GABBR2: variants seen among roughly 807,000 people sequenced by gnomAD.
GABBR2 encodes G-protein coupled receptor 51.
In GABBR2, 23 loss-of-function variants were observed where a neutral mutation model predicts 105.6. The observed-to-expected ratio is 0.22, with a 90% confidence interval of 0.16 to 0.31. The LOEUF (loss-of-function observed/expected upper bound fraction) is 0.31, where lower values mean the gene tolerates loss of function less well. Ranked by LOEUF, GABBR2 falls within the 10% of genes least tolerant of loss-of-function variation. The pLI, the probability that GABBR2 is intolerant of heterozygous loss-of-function variation, is 1.00. For synonymous variants in GABBR2, 478 were observed against 499.7 expected (o/e 0.96, Z 0.58); for missense variants, 734 against 1,245.5 (o/e 0.59, Z 6.18).
Position 98,578,130 on chromosome 9 carries a change from C to A in GABBR2, c.322-58G>T. On this transcript the variant is annotated intron_variant, in intron 1 of 18. Transcript: ENST00000259455. ...ATTAGAAACAGCTTTTCCCCAGGGGCATGAGCCCAACAAACAAATCTTTCC... is the reference window on the plus strand; with the variant it reads ...ATTAGAAACAGCTTTTCCCCAGGGGAATGAGCCCAACAAACAAATCTTTCC... 12 of 1,587,748 alleles carry A rather than the reference C, an allele frequency of 7.6e-6. No individual in the cohort carries two copies. The South Asian group carries it at 1.3e-4, about 18-fold the overall frequency.
intron 13 of GABBR2, among the ~76,000 whole-genome samples, chr9:98,335,122 A>T (rs959574683): frequency 7.9e-5 from 12 of 152,168 alleles, no homozygotes; most frequent in African/African-American, 2.9e-4. Flanking sequence ...AACCTCATAG[A>T]AACCTCCCTT....
intron 1 of GABBR2, among the ~76,000 whole-genome samples, chr9:98,670,378 G>A (rs954838678): frequency 4.6e-5 from 7 of 152,200 alleles, no homozygotes; most frequent in African/African-American, 1.7e-4. Flanking sequence ...TGGAACCCTT[G>A]GGCACTGTTG....
chr9:98,476,799 A>G (rs948028660), intron 5 of GABBR2, among the ~76,000 whole-genome samples: 5 of 152,084 alleles, frequency 3.3e-5, no homozygotes, highest in African/African-American at 1.2e-4. Context: ...ATTTTTCACT[A>G]TCATCAAGTT....
At chr9:98,371,390 A>C (rs1215169833) in intron 12 of GABBR2, 74 bp downstream of exon 12, 5 of 813,396 alleles carry the variant, frequency 6.1e-6, no homozygotes, top group Admixed American at 2.0e-5. Flanking sequence ...CAGTGCCTGG[A>C]ATATAGTATA....
chr9:98,527,073 CAT>C (rs1409805822), intron 3 of GABBR2, among the ~76,000 whole-genome samples: 3 of 147,660 alleles, frequency 2.0e-5, no homozygotes, highest in African/African-American at 4.9e-5. Context: ...ATATATTATT[CAT>C]ATGTTAATAA....
At position 98,586,284 on chromosome 9, in the gene GABBR2, CTTTT is replaced by C. The variant is rs569530376; in HGVS notation, c.322-8216_322-8213del. ...ATCCTTCTTTTCTTCTCTTTTCTTT[CTTTT>C]TTTTTTTTTTTTTTGTTTGTTTGTT... is the stretch of plus-strand genomic sequence containing the variant. On this transcript the variant is annotated intron_variant, in intron 1 of 18. Transcript: ENST00000259455. Among the ~76,000 whole-genome samples the C allele has an allele frequency of 2.3e-3, 303 of 131,084 alleles. 1 individual carries two copies. The highest frequency in any genetic ancestry group is 4.1e-3 in the Non-Finnish European group (254 of 62,128). 86.0% of individuals were successfully genotyped at this position (131,084 alleles called of 152,430 possible). A position where few individuals can be genotyped will look rare whatever the true frequency, so the allele number is the denominator to read the frequency against.
chr9:98,551,036 C>G (rs1828477900), intron 2 of GABBR2, among the ~76,000 whole-genome samples: 1 of 152,136 alleles, frequency 6.6e-6, no homozygotes, highest in Non-Finnish European at 1.5e-5. Context: ...ACCCAACCAC[C>G]CAATCGGCCA....
intron 1 of GABBR2, among the ~76,000 whole-genome samples, chr9:98,651,936 A>T (rs930124930): frequency 6.6e-6 from 1 of 152,206 alleles, no homozygotes; most frequent in African/African-American, 2.4e-5. Context: ...TCTTTCAGAC[A>T]TACAAACAAA....
At chr9:98,400,576 GAC>G (rs1192064689) in intron 8 of GABBR2, among the ~76,000 whole-genome samples, 3 of 152,174 alleles carry the variant, frequency 2.0e-5, no homozygotes, top group Admixed American at 6.5e-5. Flanking sequence ...CATATATAAG[GAC>G]ATGTATTATT....
intron 7 of GABBR2, among the ~76,000 whole-genome samples, chr9:98,441,752 G>A (rs1280172369): frequency 1.3e-5 from 2 of 152,146 alleles, no homozygotes; most frequent in African/African-American, 4.8e-5. Context: ...GTATAACATG[G>A]TCAATGTGCT....
At chr9:98,563,043 C>T (rs1171023059) in intron 2 of GABBR2, among the ~76,000 whole-genome samples, 1 of 119,676 alleles carries the variant, frequency 8.4e-6, no homozygotes, top group Non-Finnish European at 1.6e-5. Context: ...GTACTCCAGC[C>T]TGGGTGACAG....
chr9:98,507,871 G>T (rs1827544513), intron 3 of GABBR2, among the ~76,000 whole-genome samples: 1 of 152,172 alleles, frequency 6.6e-6, no homozygotes, highest in Admixed American at 6.5e-5. Context: ...CCAGGTCCAA[G>T]CACCTTTCTT....
At chr9:98,320,962 AAAACTT>A (rs1356764294) in intron 13 of GABBR2, among the ~76,000 whole-genome samples, 3 of 152,070 alleles carry the variant, frequency 2.0e-5, no homozygotes, top group Admixed American at 2.0e-4. Flanking sequence ...CATGTACCCT[AAAACTT>A]AAAGTATAAT....
intron 12 of GABBR2, among the ~76,000 whole-genome samples, chr9:98,367,351 A>G (rs954628614): frequency 4.6e-5 from 7 of 151,852 alleles, no homozygotes; most frequent in Admixed American, 2.0e-4. Flanking sequence ...AACTTCTTTA[A>G]AAGAAACAAA....
intron 1 of GABBR2, among the ~76,000 whole-genome samples, chr9:98,657,219 G>A (rs1830195569): frequency 6.6e-6 from 1 of 152,176 alleles, no homozygotes; most frequent in African/African-American, 2.4e-5. Flanking sequence ...CCAGCTTTAA[G>A]TGTCAGCTGA....
At chr9:98,612,107 A>G (rs889648999) in intron 1 of GABBR2, among the ~76,000 whole-genome samples, 2 of 152,184 alleles carry the variant, frequency 1.3e-5, no homozygotes, top group African/African-American at 4.8e-5. Flanking sequence ...AGCCAATTAT[A>G]TCCCACGAGT....
rs77412307 is a variant in GABBR2, at chr9:98,583,825, T to G, written c.322-5753A>C. Among the ~76,000 whole-genome samples the G allele has an allele frequency of 9.2e-5, 14 of 152,334 alleles. No individual in the cohort carries two copies. In the East Asian group the frequency reaches 2.5e-3, roughly 27 times the overall value. ...AGTCAATGTTATGCGTATTTCACAT[T>G]TTCCCTTCTCAAATGCTGCACGTGA... On this transcript the variant is annotated intron_variant, in intron 1 of 18. Coordinates refer to ENST00000259455, the MANE Select transcript of GABBR2 (RefSeq NM_005458.8).
At chr9:98,331,481 G>A (rs1238629073) in intron 13 of GABBR2, among the ~76,000 whole-genome samples, 1 of 137,694 alleles carries the variant, frequency 7.3e-6, no homozygotes, top group Non-Finnish European at 1.5e-5. Context: ...ACAGGGCCCC[G>A]GGCGGAGCTA....
intron 13 of GABBR2, among the ~76,000 whole-genome samples, chr9:98,318,515 G>A (rs1417670827): frequency 6.6e-6 from 1 of 152,188 alleles, no homozygotes; most frequent in African/African-American, 2.4e-5. Context: ...GGCCAGGGCG[G>A]TTAGGGGTGG....
Sources: allele counts gnomAD v4.1 joint callset (sites outside exome capture counted in the v4.1 genomes callset), GRCh38; gene constraint gnomAD v4.1.1; transcripts MANE v1.5; gene names NCBI Gene and HGNC (gene_info 2026-07-23, HGNC 2026-07-21).